ENPP3: variants seen among roughly 807,000 people sequenced by gnomAD.
ENPP3 encodes ectonucleotide pyrophosphatase/phosphodiesterase 3.
In ENPP3, 104 loss-of-function variants were observed where a neutral mutation model predicts 117.8. The observed-to-expected ratio is 0.88, with a 90% CI of 0.75 to 1.04. The LOEUF (loss-of-function observed/expected upper bound fraction) is 1.04. Ranked by LOEUF, ENPP3 falls within the 50% of genes least tolerant of loss-of-function variation. ENPP3 has a pLI of 0.00. For missense variants in ENPP3, 1,026 were observed against 1,051.9 expected, an observed-to-expected ratio of 0.98 and a Z score of 0.34; for synonymous variants, 380 against 349.9, an observed-to-expected ratio of 1.09 and a Z score of -0.96.
In ENPP3 at chr6:131,724,043, A is replaced by T. The variant is rs1324439009; in HGVS notation, c.1750A>T (p.Thr584Ser). 1.2e-6 allele frequency: 2 copies of T among 1,610,274 alleles called. No individual in the cohort carries two copies. Among genetic ancestry groups the T allele is most frequent in the South Asian group, 2.2e-5 (2 of 90,954 alleles). Reference protein sequence around the residue: ...DCFCPHLQNSTQLEQVNQMLN... With the variant: ...DCFCPHLQNSSQLEQVNQMLN... ...CCCATCCCTCATTATCTTGCAGAGT[A>T]CTCAGCTGGAACAAGTGAATCAGAT... The change falls in exon 19 of 25, where the codon ACT becomes TCT. Residue 584 changes from threonine to serine, a missense_variant. Thr to Ser is a moderately conservative substitution (Grantham distance 58). Transcript: ENST00000357639.
chr6:131,745,132 A>G (rs1176014272), intron 24 of ENPP3, among the ~76,000 whole-genome samples: 1 of 152,204 alleles, frequency 6.6e-6, no homozygotes, highest in Non-Finnish European at 1.5e-5. Flanking sequence ...CGTATAAACC[A>G]AATGGGAGAA....
At chr6:131,728,741 GT>G (rs1780209671) in intron 20 of ENPP3, among the ~76,000 whole-genome samples, 1 of 152,162 alleles carries the variant, frequency 6.6e-6, no homozygotes, top group African/African-American at 2.4e-5. Flanking sequence ...TTGTTTTTCT[GT>G]GGTTTTGGTG....
chr6:131,724,201 G>T lies in ENPP3; in HGVS notation c.1798+110G>T. 18 of 526,698 alleles carry T rather than the reference G, an allele frequency of 3.4e-5. No homozygotes were observed. The East Asian group carries it at 3.6e-4, about 10-fold the overall frequency. The allele number at this position is 526,698 out of a possible 1,614,324, so 32.6% of individuals were successfully genotyped here. A position where few individuals can be genotyped will look rare whatever the true frequency, so the allele number is the denominator to read the frequency against. On this transcript the variant is annotated intron_variant, in intron 19 of 24. Transcript: ENST00000357639. The stretch of plus-strand genomic sequence containing the variant: ...GCTGACAGAGGTTCCTGAACATAAA[G>T]ATTTTATTGCCAATATACAAAAGGT...
intron 24 of ENPP3, among the ~76,000 whole-genome samples, chr6:131,741,747 A>G (rs1780532161): frequency 6.6e-6 from 1 of 152,162 alleles, no homozygotes; most frequent in Non-Finnish European, 1.5e-5. Flanking sequence ...TGGCAGGTAG[A>G]TAGGATAAGC....
At chr6:131,690,604 A>G (rs1245156522) in intron 14 of ENPP3, among the ~76,000 whole-genome samples, 1 of 152,174 alleles carries the variant, frequency 6.6e-6, no homozygotes, top group Non-Finnish European at 1.5e-5. Context: ...AAGTGAGTTC[A>G]AAATATCTCC....
intron 20 of ENPP3, among the ~76,000 whole-genome samples, chr6:131,727,578 A>C (rs1310750052): frequency 1.3e-5 from 2 of 149,632 alleles, no homozygotes; most frequent in Non-Finnish European, 3.0e-5. Flanking sequence ...AAAAAAAAAA[A>C]CAGCAACAAA....
chr6:131,728,472 GTCC>G (rs1025926676), intron 20 of ENPP3, among the ~76,000 whole-genome samples: 188 of 152,244 alleles, frequency 1.2e-3, no homozygotes, highest in African/African-American at 4.3e-3. Flanking sequence ...AAAAGTTCCT[GTCC>G]TTTCACTGAT....
intron 20 of ENPP3, among the ~76,000 whole-genome samples, chr6:131,727,160 A>G (rs534485330): frequency 2.6e-5 from 4 of 152,228 alleles, no homozygotes; most frequent in Non-Finnish European, 5.9e-5. Flanking sequence ...CCACCAATCA[A>G]CAACAGAATG....
chr6:131,682,742 C>T (rs1779052777), intron 11 of ENPP3, among the ~76,000 whole-genome samples: 1 of 152,196 alleles, frequency 6.6e-6, no homozygotes, highest in African/African-American at 2.4e-5. Flanking sequence ...TTCTTTCTAA[C>T]TGAGAGCATC....
At chr6:131,649,177 C>T (rs77020856) in intron 2 of ENPP3, among the ~76,000 whole-genome samples, 1,809 of 152,038 alleles carry the variant, frequency 0.012, 37 homozygotes, top group African/African-American at 0.042. Flanking sequence ...TTTTTTGGGG[C>T]GGGTAAAAAT....
At position 131,685,399 on chromosome 6, in the gene ENPP3, A is replaced by G. The variant is rs770129895; in HGVS notation, c.1156A>G (p.Met386Val). The G allele has an allele frequency of 1.4e-5, 23 of 1,612,748 alleles. No homozygotes were observed. The highest frequency in any genetic ancestry group is 2.0e-5 in the Non-Finnish European group (23 of 1,178,736). The change falls in exon 13 of 25, where the codon ATG becomes GTG. Residue 386 changes from methionine to valine, a missense_variant. Transcript: ENST00000357639. ...GACTTATTGTAACAAGATGGAATAC[A>G]TGACTGATTATTTTCCCAGAATAAA... ...DQTYCNKMEY[M>V]TDYFPRINFF...
intron 2 of ENPP3, among the ~76,000 whole-genome samples, chr6:131,645,246 G>A (rs559128773): frequency 3.3e-5 from 5 of 152,234 alleles, no homozygotes; most frequent in South Asian, 4.1e-4. Context: ...AGGAAGTTAG[G>A]GTTTTCATCT....
intron 6 of ENPP3, among the ~76,000 whole-genome samples, chr6:131,670,616 G>C (rs868808575): frequency 6.6e-6 from 1 of 151,958 alleles, no homozygotes; most frequent in Non-Finnish European, 1.5e-5. Flanking sequence ...TCAGCCTCCC[G>C]AGTAGCTAGG....
intron 23 of ENPP3, among the ~76,000 whole-genome samples, chr6:131,739,167 G>A (rs2114575077): frequency 6.6e-6 from 1 of 152,296 alleles, no homozygotes; most frequent in Admixed American, 6.5e-5. Context: ...AAGTGGTAAA[G>A]CCAGAATATG....
chr6:131,671,312 T>C lies in ENPP3; in HGVS notation c.627T>C (p.His209=). Residue 209 remains histidine, a synonymous_variant, in exon 7 of 25, where the codon CAT becomes CAC. Transcript: ENST00000357639. ...AMYPTKTFPN[H]YTIVTGLYPE... ...ATCCTACCAAAACCTTCCCAAATCA[T>C]TACACCATTGTCACGGTAAGTGCTT... 6.3e-7 allele frequency: 1 copy of C among 1,598,952 alleles called. No individual in the cohort carries two copies. The highest frequency in any genetic ancestry group is 8.6e-7 in the Non-Finnish European group (1 of 1,166,294).
chr6:131,667,924 A>G (rs1001912327), intron 6 of ENPP3, among the ~76,000 whole-genome samples: 5 of 152,188 alleles, frequency 3.3e-5, no homozygotes, highest in Non-Finnish European at 7.3e-5. Context: ...GCATACTTGC[A>G]ACTCTGGGAA....
chr6:131,728,025 C>T (rs560071683), intron 20 of ENPP3, among the ~76,000 whole-genome samples: 2 of 152,118 alleles, frequency 1.3e-5, no homozygotes, highest in Non-Finnish European at 2.9e-5. Flanking sequence ...GTCAATGGTT[C>T]GATTGTGGTC....
chr6:131,655,432 G>T (rs185802440), intron 5 of ENPP3, among the ~76,000 whole-genome samples: 21 of 152,318 alleles, frequency 1.4e-4, no homozygotes, highest in African/African-American at 5.1e-4. Context: ...CCTAGTGGTT[G>T]CTGGAAGCAG....
At chr6:131,732,513 A>G (rs1471805411) in intron 20 of ENPP3, among the ~76,000 whole-genome samples, 2 of 151,986 alleles carry the variant, frequency 1.3e-5, no homozygotes. Context: ...CCCAGGTTCA[A>G]GCAATTCTCA....
Sources: allele counts gnomAD v4.1 joint callset (sites outside exome capture counted in the v4.1 genomes callset), GRCh38; gene constraint gnomAD v4.1.1; transcripts MANE v1.5; gene names NCBI Gene and HGNC (gene_info 2026-07-23, HGNC 2026-07-21).